The following MBTD1 variants were observed in gnomAD, a reference collection of about 807,000 sequenced individuals.
The protein encoded by MBTD1 is MBT domain-containing protein 1.
A neutral mutation model predicts 87.8 loss-of-function variants in MBTD1; 24 were observed. The ratio of observed to expected loss-of-function variants is 0.27; its 90% CI spans 0.20 to 0.38. MBTD1 has a LOEUF of 0.38. MBTD1 is among the 10% of genes least tolerant of loss of function. The probability of loss-of-function intolerance (pLI) is 1.00; values close to 1 mark genes in which losing one functional copy is unlikely to be tolerated. For synonymous variants in MBTD1, 237 were observed against 248.6 expected, an observed-to-expected ratio of 0.95 and a Z score of 0.44; for missense variants, 436 against 760.2, an observed-to-expected ratio of 0.57 and a Z score of 5.02.
At position 51,201,653 on chromosome 17, in the gene MBTD1, A is replaced by G. The variant is rs754849784; in HGVS notation, c.1163T>C (p.Met388Thr). The change falls in exon 12 of 17, where the codon ATG (methionine) becomes ACG (threonine). Residue 388 changes from methionine (M) to threonine (T), a missense_variant. Coordinates refer to ENST00000586178, the MANE Select transcript of MBTD1 (RefSeq NM_017643.3). ...TAATGGGTCTATAGCTTCCAATTTC[A>G]TTCCTTCCTTGAACCATTCCCCACT... is the stretch of plus-strand genomic sequence containing the variant. The part of the protein sequence containing the change: ...DQSGEWFKEG[M>T]KLEAIDPLNL... 6.2e-6 allele frequency: 10 copies of G among 1,612,334 alleles called. No individual in the cohort carries two copies. In the South Asian group the frequency reaches 1.1e-4, roughly 18 times the overall value.
chr17:51,195,968 T>C (rs2051077237), intron 12 of MBTD1, among the ~76,000 whole-genome samples: 3 of 151,690 alleles, frequency 2.0e-5, no homozygotes. Flanking sequence ...AGTGCAATGG[T>C]GCGAACATGG....
chr17:51,235,795 C>A (rs762540737), intron 2 of MBTD1, among the ~76,000 whole-genome samples: 8 of 152,136 alleles, frequency 5.3e-5, no homozygotes, highest in Non-Finnish European at 1.0e-4. Context: ...GGGTAAAAAT[C>A]AAAAGCTTGT....
chr17:51,224,236 G>A (rs1408892577), intron 3 of MBTD1, among the ~76,000 whole-genome samples: 1 of 152,188 alleles, frequency 6.6e-6, no homozygotes, highest in Non-Finnish European at 1.5e-5. Flanking sequence ...AGAATACAGT[G>A]ACCAGGATAT....
intron 2 of MBTD1, among the ~76,000 whole-genome samples, chr17:51,230,045 T>C (rs1057027777): frequency 6.6e-6 from 1 of 152,184 alleles, no homozygotes; most frequent in African/African-American, 2.4e-5. Flanking sequence ...TTCCTCCTGT[T>C]CCCTGCATCA....
In MBTD1 at chr17:51,194,475, A is replaced by C. The variant is rs563271707; in HGVS notation, c.1372+739T>G. Among the ~76,000 whole-genome samples, 3 of 151,284 alleles carry C rather than the reference A, an allele frequency of 2.0e-5. No homozygotes were observed. The East Asian group carries it at 5.9e-4, about 30-fold the overall frequency. On this transcript the variant is annotated intron_variant, in intron 13 of 16. Transcript: ENST00000586178. ...ATTCCAGCTACTTGGGAGAGGAGGC[A>C]CAAGAATCACTTGAACCTGGGAGGC... is the stretch of plus-strand genomic sequence containing the variant.
rs540927777 is a variant in MBTD1 at position 51,216,642 on chromosome 17, A to G, written c.486+692T>C. 2.1e-3 allele frequency among the ~76,000 whole-genome samples: 318 copies of G among 152,372 alleles called. 1 individual carries two copies. Among genetic ancestry groups the G allele is most frequent in the African/African-American group, 7.3e-3 (304 of 41,604 alleles). On this transcript the variant is annotated intron_variant, in intron 6 of 16. Coordinates refer to ENST00000586178, the MANE Select transcript of MBTD1 (RefSeq NM_017643.3). ...AAGATCCTTCCTCTTCTGAATTATC[A>G]GTTCAAATTGCAGATTTAAGTAACA...
At chr17:51,245,374 C>T (rs1468993116) in intron 2 of MBTD1, among the ~76,000 whole-genome samples, 2 of 152,124 alleles carry the variant, frequency 1.3e-5, no homozygotes, top group Admixed American at 1.3e-4. Context: ...TTTCCCCATA[C>T]ATTTAAAATA....
chr17:51,209,219 G>A, intron 6 of MBTD1: 3 of 368,724 alleles, frequency 8.1e-6, no homozygotes, highest in South Asian at 4.1e-5. Context: ...CAAGTCATCT[G>A]TCTTCTCTTG....
chr17:51,243,901 T>C (rs2054289529), intron 2 of MBTD1, among the ~76,000 whole-genome samples: 1 of 152,214 alleles, frequency 6.6e-6, no homozygotes, highest in South Asian at 2.1e-4. Flanking sequence ...GTTCATCTGA[T>C]GTGTCTGTGT....
rs2050151152 is a variant in MBTD1, at chr17:51,177,429, CT to C, written c.*3146del. ...AAAGAACTGCTCAAATCCAGCTTAA[CT>C]TTAACATTTTATTTTGTGTAAAAAA... On this transcript the variant is annotated 3_prime_UTR_variant, in exon 17 of 17. Coordinates refer to ENST00000586178, the MANE Select transcript of MBTD1 (RefSeq NM_017643.3). 1 of 152,118 alleles carries C rather than the reference CT, an allele frequency of 6.6e-6. No homozygotes were observed. Among genetic ancestry groups the C allele is most frequent in the African/African-American group, 2.4e-5 (1 of 41,422 alleles). The allele number at this position is 152,118 out of a possible 1,614,324, so 9.4% of individuals were successfully genotyped here. A position where few individuals can be genotyped will look rare whatever the true frequency, so the allele number is the denominator to read the frequency against.
chr17:51,203,804 A>G lies in MBTD1; in HGVS notation c.726T>C (p.Leu242=). Residue 242 remains leucine (L), a synonymous_variant, in exon 8 of 17, where the codon CTT becomes CTC. Transcript: ENST00000586178. Reference sequence around the variant, plus strand: ...TAAACTACTTACTTCTAGGAGGAACAAGAGGTTTTCCGCTGGCTGCACACC... The same window carrying G: ...TAAACTACTTACTTCTAGGAGGAACGAGAGGTTTTCCGCTGGCTGCACACC... ...VGWCAASGKP[L]VPPRTIQHKY... is the part of the protein sequence containing the mutation. 6.2e-7 allele frequency: 1 copy of G among 1,611,254 alleles called. No homozygotes were observed. The highest frequency in any genetic ancestry group is 8.5e-7 in the Non-Finnish European group (1 of 1,179,394).
intron 2 of MBTD1, among the ~76,000 whole-genome samples, chr17:51,247,105 A>G (rs1229999121): frequency 6.6e-6 from 1 of 152,224 alleles, no homozygotes; most frequent in Non-Finnish European, 1.5e-5. Context: ...TCATAAAAAT[A>G]AAAATATTGT....
intron 2 of MBTD1, among the ~76,000 whole-genome samples, chr17:51,229,338 AT>A (rs1056188607): frequency 2.6e-5 from 4 of 151,530 alleles, no homozygotes; most frequent in Non-Finnish European, 5.9e-5. Flanking sequence ...TTAAGCTAAA[AT>A]TTTTTTTTCC....
chr17:51,247,915 T>C (rs1252904798), intron 2 of MBTD1, among the ~76,000 whole-genome samples: 1 of 152,238 alleles, frequency 6.6e-6, no homozygotes, highest in African/African-American at 2.4e-5. Context: ...AAATTGGTCT[T>C]ATTTTCTTTT....
upstream of MBTD1, chr17:51,260,887 C>T (rs760945069): frequency 8.1e-6 from 13 of 1,599,104 alleles, no homozygotes; most frequent in Middle Eastern, 1.8e-4. Flanking sequence ...ACGTCGAGAA[C>T]GACGAGGACG....
intron 15 of MBTD1, 86 bp from the exon 16 acceptor site, chr17:51,192,366 A>G: frequency 1.1e-6 from 1 of 927,914 alleles, no homozygotes; most frequent in Non-Finnish European, 1.7e-6. Context: ...TATATGAACT[A>G]TCTTTACCAA....
intron 12 of MBTD1, among the ~76,000 whole-genome samples, chr17:51,198,776 A>C (rs2051286949): frequency 2.0e-5 from 3 of 152,112 alleles, no homozygotes; most frequent in African/African-American, 4.8e-5. Flanking sequence ...TCATGTAGAC[A>C]TGGAGTCGAT....
intron 14 of MBTD1, among the ~76,000 whole-genome samples, 181 bp downstream of exon 14, chr17:51,193,247 T>C (rs2050896802): frequency 6.6e-6 from 1 of 151,002 alleles, no homozygotes. Flanking sequence ...GAAACATAGT[T>C]TGGAAACAAG....
chr17:51,194,594 T>TAAAAAAAAAAAAAAAAAA (rs1568156671), intron 13 of MBTD1, among the ~76,000 whole-genome samples: 1 of 50,398 alleles, frequency 2.0e-5, no homozygotes, highest in African/African-American at 1.1e-4. Flanking sequence ...AAAAAAAAAG[T>TAAAAAAAAAAAAAAAAAA]CCACATGGCT....
Sources: gnomAD v4.1 joint callset for allele counts (sites outside exome capture counted in the v4.1 genomes callset) on GRCh38, gnomAD v4.1.1 for gene constraint, MANE v1.5 for transcripts, NCBI Gene and HGNC (gene_info 2026-07-23, HGNC 2026-07-21) for gene names.